Variants in ZNF385D observed in about 807,000 individuals in gnomAD.
ZNF385D encodes the protein zinc finger protein 385D, also known as zinc finger protein 659.
In ZNF385D, 15 loss-of-function variants were observed where a neutral mutation model predicts 35.8. The ratio of observed to expected loss-of-function variants is 0.42; its 90% CI spans 0.28 to 0.64. The LOEUF (loss-of-function observed/expected upper bound fraction) is 0.64. Ranked by LOEUF, ZNF385D falls within the 30% of genes least tolerant of loss-of-function variation. The pLI, the probability that ZNF385D is intolerant of heterozygous loss-of-function variation, is 0.23. For synonymous variants in ZNF385D, 212 were observed against 186.8 expected (o/e 1.13, Z -1.10); for missense variants, 474 against 494.6 (o/e 0.96, Z 0.39).
intron 2 of ZNF385D, among the ~76,000 whole-genome samples, chr3:22,330,383 A>G (rs1245314357): frequency 6.6e-6 from 1 of 152,134 alleles, no homozygotes; most frequent in Non-Finnish European, 1.5e-5. Flanking sequence ...AAAGGTAAAA[A>G]TTATTCAAGT....
At position 21,750,968 on chromosome 3, in the gene ZNF385D, C is replaced by A; in HGVS notation, c.-52G>T. On this transcript the variant is annotated 5_prime_UTR_variant, in exon 1 of 8. Transcript: ENST00000281523. ...GGTGTCTTCAGCATCAGCTCTCACC[C>A]AAGGCTGGCACGTAGAGCAGAGCCC... The A allele has an allele frequency of 1.2e-6, 2 of 1,613,784 alleles. No individual in the cohort carries two copies. The highest frequency in any genetic ancestry group is 2.7e-5 in the African/African-American group (2 of 75,046).
intron 3 of ZNF385D, among the ~76,000 whole-genome samples, chr3:21,787,043 TC>T (rs1283472447): frequency 2.0e-5 from 3 of 152,180 alleles, no homozygotes; most frequent in African/African-American, 7.2e-5. Flanking sequence ...AAAGTATTAA[TC>T]AATGAGAGCA....
At chr3:21,881,821 A>G (rs985484811) in intron 3 of ZNF385D, among the ~76,000 whole-genome samples, 2 of 152,002 alleles carry the variant, frequency 1.3e-5, no homozygotes, top group Non-Finnish European at 2.9e-5. Context: ...CATGAACAAG[A>G]ATTTGGAAAA....
At chr3:22,357,738 A>G (rs999882138) in intron 2 of ZNF385D, among the ~76,000 whole-genome samples, 2 of 151,852 alleles carry the variant, frequency 1.3e-5, no homozygotes, top group Non-Finnish European at 2.9e-5. Context: ...TGTCTCTGAC[A>G]AGAAAAGGGA....
intron 3 of ZNF385D, among the ~76,000 whole-genome samples, chr3:22,004,355 C>A (rs986869528): frequency 6.9e-6 from 1 of 145,984 alleles, no homozygotes; most frequent in Non-Finnish European, 1.5e-5. Flanking sequence ...GGAAATGCTG[C>A]AGGACATTGG....
At chr3:22,312,987 G>T (rs902101837) in intron 2 of ZNF385D, among the ~76,000 whole-genome samples, 1 of 150,790 alleles carries the variant, frequency 6.6e-6, no homozygotes, top group East Asian at 2.0e-4. Flanking sequence ...CAATAGCAAA[G>T]ACTTGGAACC....
intron 1 of ZNF385D, among the ~76,000 whole-genome samples, chr3:21,681,316 A>AAAAAACAAAAAAAAAAAAAAAC (rs1553636420): frequency 1.4e-5 from 2 of 141,676 alleles, no homozygotes; most frequent in South Asian, 2.3e-4. Context: ...AAAAAAAAAA[A>AAAAAACAAAAAAAAAAAAAAAC]AAAAAAAACC....
chr3:21,757,122 T>C (rs1383469704), intron 3 of ZNF385D, among the ~76,000 whole-genome samples: 2 of 91,638 alleles, frequency 2.2e-5, no homozygotes, highest in Non-Finnish European at 2.1e-5. Context: ...AAATTTCTCT[T>C]TTTTTTTTTT....
At chr3:22,371,764 C>G (rs1696917113) in intron 2 of ZNF385D, among the ~76,000 whole-genome samples, 1 of 152,158 alleles carries the variant, frequency 6.6e-6, no homozygotes, top group Non-Finnish European at 1.5e-5. Flanking sequence ...ACTAGCTGGC[C>G]AAGAAGACAA....
In ZNF385D at chr3:22,049,345, C is replaced by T. The variant is rs141784889; in HGVS notation, c.325+119472G>A. Among the ~76,000 whole-genome samples the T allele has an allele frequency of 4.7e-3, 487 of 104,468 alleles. 5 individuals carry two copies. Among genetic ancestry groups the T allele is most frequent in the Non-Finnish European group, 2.1e-3 (91 of 44,178 alleles). 68.5% of individuals were successfully genotyped at this position (104,468 alleles called of 152,430 possible). Reference sequence around the variant, plus strand: ...AATAAAATAAAATAAATAAAAAATGCGGTTAATTTTTGTTGATATTTATCC... The same window carrying T: ...AATAAAATAAAATAAATAAAAAATGTGGTTAATTTTTGTTGATATTTATCC... On this transcript the variant is annotated intron_variant, in intron 3 of 5. Coordinates refer to the ZNF385D transcript ENST00000494108.
intron 3 of ZNF385D, among the ~76,000 whole-genome samples, chr3:22,136,616 C>T (rs1303783159): frequency 6.6e-6 from 1 of 151,996 alleles, no homozygotes; most frequent in African/African-American, 2.4e-5. Flanking sequence ...GACATTTGAT[C>T]AAAAAAGATA....
chr3:21,595,990 G>T (rs2064118693), intron 2 of ZNF385D, among the ~76,000 whole-genome samples: 1 of 152,146 alleles, frequency 6.6e-6, no homozygotes, highest in South Asian at 2.1e-4. Context: ...TAATCTAGAA[G>T]CACAAGTATC....
At position 22,039,351 on chromosome 3, in the gene ZNF385D, G is replaced by A. The variant is rs114066152; in HGVS notation, c.325+129466C>T. 3.3e-3 allele frequency among the ~76,000 whole-genome samples: 493 copies of A among 151,430 alleles called. 3 individuals are homozygous for A. Among genetic ancestry groups the A allele is most frequent in the African/African-American group, 0.012 (475 of 41,256 alleles). ...AGAAAATGTCAACTTCCTAAAATCA[G>A]GCCTGATAGCATCACACCCCAGTTT... On this transcript the variant is annotated intron_variant, in intron 3 of 5. Transcript: ENST00000494108.
rs544631138 is a variant in ZNF385D at position 22,335,381 on chromosome 3, G to C, written c.106+37069C>G. The stretch of plus-strand genomic sequence containing the variant: ...ATCCTTGCTCATGTGAGTGACTGTT[G>C]CTTTTTTATTAAAGCATTAGATGTG... On this transcript the variant is annotated intron_variant, in intron 2 of 5. Coordinates refer to the ZNF385D transcript ENST00000494108. Among the ~76,000 whole-genome samples, 3 of 152,208 alleles carry C rather than the reference G, an allele frequency of 2.0e-5. No homozygotes were observed. In the South Asian group the frequency reaches 6.2e-4, roughly 32 times the overall value.
At chr3:22,289,418 G>C (rs1241411052) in intron 2 of ZNF385D, among the ~76,000 whole-genome samples, 1 of 152,000 alleles carries the variant, frequency 6.6e-6, no homozygotes, top group Non-Finnish European at 1.5e-5. Flanking sequence ...CATAAGCCAG[G>C]AAAAAAGGTT....
chr3:22,178,306 G>C (rs1694974104), intron 2 of ZNF385D, among the ~76,000 whole-genome samples: 1 of 152,162 alleles, frequency 6.6e-6, no homozygotes, highest in Non-Finnish European at 1.5e-5. Flanking sequence ...ATCTCATTGT[G>C]GTTTTGATTT....
At chr3:22,009,920 CAAAAT>C (rs896264025) in intron 3 of ZNF385D, among the ~76,000 whole-genome samples, 2 of 145,482 alleles carry the variant, frequency 1.4e-5, no homozygotes, top group African/African-American at 2.5e-5. Context: ...AATTACAAAA[CAAAAT>C]AAAAGAAATG....
intron 3 of ZNF385D, among the ~76,000 whole-genome samples, chr3:21,941,447 C>G (rs1199923899): frequency 6.7e-6 from 1 of 149,780 alleles, no homozygotes; most frequent in Admixed American, 6.7e-5. Flanking sequence ...AGTGATTAAG[C>G]AGGATGTTTT....
rs1259142341 is a variant in ZNF385D, at chr3:22,261,316, A to G, written c.107-92281T>C. Reference sequence around the variant, plus strand: ...AAAGACTAGGTAAAAATGGTGCAGTATAATATAAGAAAAATAATTTAAGTT... The same window carrying G: ...AAAGACTAGGTAAAAATGGTGCAGTGTAATATAAGAAAAATAATTTAAGTT... On this transcript the variant is annotated intron_variant, in intron 2 of 5. Coordinates refer to the ZNF385D transcript ENST00000494108. Among the ~76,000 whole-genome samples the G allele has an allele frequency of 2.6e-5, 4 of 152,164 alleles. No homozygotes were observed. In the South Asian group the frequency reaches 6.2e-4, roughly 24 times the overall value.
Sources: gnomAD v4.1 joint callset for allele counts (sites outside exome capture counted in the v4.1 genomes callset) on GRCh38, gnomAD v4.1.1 for gene constraint, MANE v1.5 for transcripts, NCBI Gene and HGNC (gene_info 2026-07-23, HGNC 2026-07-21) for gene names.